Variants in SLC9C2 observed in about 807,000 individuals in gnomAD.
The protein encoded by SLC9C2 is solute carrier family 9 member C2 (putative).
SLC9C2 carries 75 observed loss-of-function variants against 140.2 expected under a neutral mutation model. The ratio of observed to expected loss-of-function variants is 0.53; its 90% CI spans 0.44 to 0.65. The LOEUF (loss-of-function observed/expected upper bound fraction) is 0.65. Ranked by LOEUF, SLC9C2 falls within the 30% of genes least tolerant of loss-of-function variation. SLC9C2 has a pLI of 0.00. For missense variants in SLC9C2, 1,074 were observed against 1,331.8 expected, an observed-to-expected ratio of 0.81 and a Z score of 3.01; for synonymous variants, 375 against 420.9, an observed-to-expected ratio of 0.89 and a Z score of 1.34.
chr1:173,583,060 C>T (rs543941734), intron 6 of SLC9C2, among the ~76,000 whole-genome samples: 3 of 152,180 alleles, frequency 2.0e-5, no homozygotes, highest in African/African-American at 7.2e-5. Context: ...AGTCCTCCTT[C>T]GGGTATCCAT....
At chr1:173,543,610 C>T (rs1662606353) in intron 13 of SLC9C2, among the ~76,000 whole-genome samples, 1 of 152,158 alleles carries the variant, frequency 6.6e-6, no homozygotes, top group Non-Finnish European at 1.5e-5. Context: ...AACTATACTA[C>T]AAGGCTACAG....
Position 173,509,628 on chromosome 1 carries a change from T to C in SLC9C2, c.2979A>G (p.Ile993Met), listed in dbSNP as rs748277848. The part of the protein sequence containing the change: ...DAFWPSLEYK[I>M]WLKLALSTAY... ...CAGTACTGAGAGCAAGCTTTAGCCATATTTTATATTCCAGAGATGGCCAGA... is the reference window on the plus strand; with the variant it reads ...CAGTACTGAGAGCAAGCTTTAGCCACATTTTATATTCCAGAGATGGCCAGA... The change falls in exon 24 of 28, where the codon ATA becomes ATG. Residue 993 changes from isoleucine to methionine, a missense_variant. Coordinates refer to ENST00000367714, the MANE Select transcript of SLC9C2 (RefSeq NM_178527.4). 38 of 1,597,916 alleles carry C rather than the reference T, an allele frequency of 2.4e-5. No homozygotes were observed. In the Middle Eastern group the frequency reaches 5.0e-4, roughly 21 times the overall value.
chr1:173,547,932 T>C lies in SLC9C2; in HGVS notation c.1462-148A>G, dbSNP rs1489034049. 9.6e-6 allele frequency: 6 copies of C among 622,600 alleles called. No individual in the cohort carries two copies. The East Asian group carries it at 1.5e-4, about 15-fold the overall frequency. 38.6% of individuals were successfully genotyped at this position (622,600 alleles called of 1,614,324 possible). A position where few individuals can be genotyped will look rare whatever the true frequency, so the allele number is the denominator to read the frequency against. On this transcript the variant is annotated intron_variant, in intron 12 of 27. Transcript: ENST00000367714. ...AGAATGAAGAGCTATGTAATGTTTT[T>C]TCATATAAGAAGTGTTGCCTTCAAT...
At chr1:173,600,004 T>G in intron 3 of SLC9C2, 113 bp downstream of exon 3, 1 of 611,910 alleles carries the variant, frequency 1.6e-6, no homozygotes, top group South Asian at 3.2e-5. Flanking sequence ...TAAAATTTTT[T>G]GAGTAGCTGT....
At position 173,573,241 on chromosome 1, in the gene SLC9C2, G is replaced by A. The variant is rs201172272; in HGVS notation, c.987C>T (p.His329=). ...TGAAAGGTATAGTGTGAAATTCATA[G>A]TGGCTGAGTTCTCCACATCCAATCA... is the stretch of plus-strand genomic sequence containing the variant. ...GIVIGCGELS[H]YEFHTIPFIF... Residue 329 remains histidine, a synonymous_variant, in exon 9 of 28, where the codon CAC becomes CAT. Transcript: ENST00000367714. 3.9e-5 allele frequency: 62 copies of A among 1,585,542 alleles called. No homozygotes were observed. In the Admixed American group the frequency reaches 1.0e-3, roughly 27 times the overall value.
At chr1:173,595,984 C>T (rs1666432174) in intron 4 of SLC9C2, among the ~76,000 whole-genome samples, 1 of 152,110 alleles carries the variant, frequency 6.6e-6, no homozygotes, top group Non-Finnish European at 1.5e-5. Context: ...GTTCTCCAGA[C>T]CTACAGTTTT....
At chr1:173,600,466 A>G (rs1046896557) in intron 2 of SLC9C2, among the ~76,000 whole-genome samples, 33 of 151,960 alleles carry the variant, frequency 2.2e-4, no homozygotes, top group Non-Finnish European at 3.8e-4. Flanking sequence ...GAGATAGTCA[A>G]CACTTTATTA....
At chr1:173,595,253 T>C (rs901930287) in intron 4 of SLC9C2, among the ~76,000 whole-genome samples, 5 of 152,160 alleles carry the variant, frequency 3.3e-5, no homozygotes, top group Non-Finnish European at 5.9e-5. Flanking sequence ...AGGCTCTTTT[T>C]TTCTCTTTAT....
At chr1:173,585,875 G>A (rs191476515) in intron 5 of SLC9C2, among the ~76,000 whole-genome samples, 1 of 152,206 alleles carries the variant, frequency 6.6e-6, no homozygotes, top group East Asian at 1.9e-4. Flanking sequence ...GGCTGAGGCA[G>A]GAGAATCGCT....
chr1:173,526,736 A>G, intron 18 of SLC9C2, 22 bp from the exon 19 acceptor site: 1 of 1,475,648 alleles, frequency 6.8e-7, no homozygotes, highest in Non-Finnish European at 9.0e-7. Flanking sequence ...TAAGAAAAAC[A>G]TGTATTTCTT....
chr1:173,556,946 A>G (rs900720267), intron 10 of SLC9C2, among the ~76,000 whole-genome samples: 1 of 151,954 alleles, frequency 6.6e-6, no homozygotes, highest in Non-Finnish European at 1.5e-5. Flanking sequence ...AAAAAAAGAA[A>G]AAAGAAAAGA....
intron 26 of SLC9C2, among the ~76,000 whole-genome samples, chr1:173,504,759 A>T (rs548296677): frequency 6.6e-6 from 1 of 152,286 alleles, no homozygotes; most frequent in South Asian, 2.1e-4. Context: ...AATAAATGTA[A>T]CTATAGCTAC....
chr1:173,575,898 C>G (rs1665151144), intron 8 of SLC9C2, among the ~76,000 whole-genome samples: 1 of 151,938 alleles, frequency 6.6e-6, no homozygotes, highest in Non-Finnish European at 1.5e-5. Context: ...TTTCATTTTG[C>G]CGAGTAGAAA....
intron 13 of SLC9C2, among the ~76,000 whole-genome samples, chr1:173,544,229 C>T (rs1345286520): frequency 1.3e-5 from 2 of 152,148 alleles, no homozygotes; most frequent in South Asian, 2.1e-4. Flanking sequence ...AAAGAAGACA[C>T]TTATGCAGCC....
At chr1:173,527,882 A>G (rs555530050) in intron 18 of SLC9C2, among the ~76,000 whole-genome samples, 1 of 152,298 alleles carries the variant, frequency 6.6e-6, no homozygotes, top group African/African-American at 2.4e-5. Flanking sequence ...CATTTTGAAT[A>G]TAAGAATAAG....
chr1:173,525,842 A>G (rs1661157116), intron 19 of SLC9C2, among the ~76,000 whole-genome samples: 1 of 152,194 alleles, frequency 6.6e-6, no homozygotes, highest in Non-Finnish European at 1.5e-5. Context: ...CACAGAAATA[A>G]AAATCTGTCA....
intron 18 of SLC9C2, 105 bp from the exon 19 acceptor site, chr1:173,526,819 A>G (rs967678185): frequency 2.6e-6 from 2 of 773,034 alleles, no homozygotes; most frequent in African/African-American, 1.7e-5. Context: ...AAGCATACTT[A>G]TTATACCAAG....
intron 12 of SLC9C2, among the ~76,000 whole-genome samples, chr1:173,548,158 T>C (rs1662992359): frequency 6.6e-6 from 1 of 152,236 alleles, no homozygotes; most frequent in African/African-American, 2.4e-5. Flanking sequence ...ACCAGCCAGA[T>C]TGTAAAACAT....
Position 173,503,256 on chromosome 1 carries a change from A to G in SLC9C2, c.3371+10T>C. ...AGAAAAAATTCTAATCAAAGTGTCA[A>G]GTTTATTACCTCATCTTTTGTCTTC... On this transcript the variant is annotated intron_variant, in intron 27 of 27. Coordinates refer to ENST00000367714, the MANE Select transcript of SLC9C2 (RefSeq NM_178527.4). 6.2e-7 allele frequency: 1 copy of G among 1,609,898 alleles called. No individual in the cohort carries two copies. The highest frequency in any genetic ancestry group is 1.3e-5 in the African/African-American group (1 of 74,874).
Sources: gnomAD v4.1 joint callset for allele counts (sites outside exome capture counted in the v4.1 genomes callset) on GRCh38, gnomAD v4.1.1 for gene constraint, MANE v1.5 for transcripts, NCBI Gene and HGNC (gene_info 2026-07-23, HGNC 2026-07-21) for gene names.